The following CNTRL variants were observed in gnomAD, a reference collection of about 807,000 sequenced individuals.
CNTRL encodes the protein 110 kDa centrosomal protein.
In CNTRL, 233 loss-of-function variants were observed where a neutral mutation model predicts 303.7. The observed-to-expected ratio is 0.77, with a 90% CI of 0.69 to 0.86. The LOEUF (loss-of-function observed/expected upper bound fraction) is 0.86. CNTRL is among the 40% of genes least tolerant of loss of function. The pLI, the probability that CNTRL is intolerant of heterozygous loss-of-function variation, is 0.00. For missense variants in CNTRL, 2,524 were observed against 2,650.6 expected (o/e 0.95, Z 1.05); for synonymous variants, 900 against 922.2 (o/e 0.98, Z 0.44).
intron 7 of CNTRL, among the ~76,000 whole-genome samples, chr9:121,102,436 A>G (rs1261676228): frequency 1.3e-5 from 2 of 152,218 alleles, no homozygotes; most frequent in African/African-American, 4.8e-5. Flanking sequence ...CCCACAGCCA[A>G]TATCATACTG....
chr9:121,091,612 G>T (rs1301091286), intron 4 of CNTRL, among the ~76,000 whole-genome samples: 1 of 152,158 alleles, frequency 6.6e-6, no homozygotes, highest in African/African-American at 2.4e-5. Flanking sequence ...GGAGGCCGAG[G>T]TGGGCAGATC....
intron 34 of CNTRL, among the ~76,000 whole-genome samples, chr9:121,164,721 G>T (rs1311968611): frequency 6.6e-6 from 1 of 152,100 alleles, no homozygotes; most frequent in Non-Finnish European, 1.5e-5. Flanking sequence ...TTTAATCCAT[G>T]ATTTTTATAA....
chr9:121,146,770 G>C (rs1158093135), intron 23 of CNTRL, among the ~76,000 whole-genome samples: 1 of 152,216 alleles, frequency 6.6e-6, no homozygotes, highest in Non-Finnish European at 1.5e-5. Context: ...TCTAGTTGCA[G>C]AGAGGTATTA....
chr9:121,122,132 C>A (rs770151514), intron 12 of CNTRL, among the ~76,000 whole-genome samples: 13 of 152,122 alleles, frequency 8.5e-5, no homozygotes, highest in Non-Finnish European at 1.3e-4. Flanking sequence ...TTTTATCCTG[C>A]GTATAAAGGT....
intron 25 of CNTRL, 116 bp downstream of exon 25, chr9:121,150,599 T>A: frequency 1.0e-6 from 1 of 971,014 alleles, no homozygotes; most frequent in Non-Finnish European, 1.6e-6. Context: ...AGTGTGTTTG[T>A]AAGGCTGATG....
At position 121,167,664 on chromosome 9, in the gene CNTRL, T is replaced by TC; in HGVS notation, c.5833dup (p.Gln1945ProfsTer16). The stretch of plus-strand genomic sequence containing the variant: ...ATTGAAGAAAACAAGCTCAAACTAG[T>TC]CCAACAAGAAATGGTACTACACATT... On this transcript the variant is annotated frameshift_variant, in exon 37 of 44. Transcript: ENST00000373855. LOFTEE classifies it high-confidence loss of function. 6.2e-7 allele frequency: 1 copy of TC among 1,613,814 alleles called. No homozygotes were observed. The highest frequency in any genetic ancestry group is 8.5e-7 in the Non-Finnish European group (1 of 1,179,850).
At position 121,150,420 on chromosome 9, in the gene CNTRL, C is replaced by G. The variant is rs368850439; in HGVS notation, c.3900C>G (p.Asn1300Lys). 2 of 1,614,094 alleles carry G rather than the reference C, an allele frequency of 1.2e-6. No homozygotes were observed. Among genetic ancestry groups the G allele is most frequent in the African/African-American group, 1.3e-5 (1 of 74,932 alleles). ...TGGTGTATGGGCCTCCACCCCCCAA[C>G]TTCTCCATCCCCTTCATCCCTATGG... ...APMVYGPPPP[N>K]FSIPFIPMGV... The change falls in exon 25 of 44, where the codon AAC becomes AAG. Residue 1300 changes from asparagine (N) to lysine (K), a missense_variant. Coordinates refer to ENST00000373855, the MANE Select transcript of CNTRL (RefSeq NM_007018.6).
At chr9:121,155,289 T>A (rs558606869) in intron 27 of CNTRL, among the ~76,000 whole-genome samples, 66 of 152,356 alleles carry the variant, frequency 4.3e-4, no homozygotes, top group Non-Finnish European at 9.3e-4. Flanking sequence ...AATAGGTCAA[T>A]CTTTATATTC....
At chr9:121,091,038 A>G (rs971488484) in intron 4 of CNTRL, among the ~76,000 whole-genome samples, 3 of 152,222 alleles carry the variant, frequency 2.0e-5, no homozygotes, top group African/African-American at 7.2e-5. Flanking sequence ...GAGACTTACT[A>G]TCACGAGAAC....
chr9:121,083,057 G>C (rs1415623226), intron 2 of CNTRL, among the ~76,000 whole-genome samples: 1 of 151,912 alleles, frequency 6.6e-6, no homozygotes, highest in South Asian at 2.1e-4. Flanking sequence ...CTTACCAGAT[G>C]AATGGAGCTT....
chr9:121,123,410 G>A (rs1029151225), intron 12 of CNTRL, among the ~76,000 whole-genome samples: 7 of 152,060 alleles, frequency 4.6e-5, no homozygotes, highest in African/African-American at 7.2e-5. Flanking sequence ...TGAAACTCCC[G>A]TCTGTACTAA....
intron 18 of CNTRL, 120 bp downstream of exon 18, chr9:121,141,708 T>A: frequency 2.0e-6 from 2 of 992,014 alleles, no homozygotes; most frequent in Non-Finnish European, 1.5e-6. Flanking sequence ...TTTTCACTTA[T>A]AACAAGTCAA....
chr9:121,092,733 A>T (rs191273812), intron 4 of CNTRL, among the ~76,000 whole-genome samples: 1 of 12,148 alleles, frequency 8.2e-5, no homozygotes, highest in Non-Finnish European at 1.7e-4. Flanking sequence ...ATATATATAT[A>T]ATATATATCT....
At chr9:121,090,120 A>G (rs192251174) in intron 3 of CNTRL, among the ~76,000 whole-genome samples, 155 bp from the exon 4 acceptor site, 46 of 130,046 alleles carry the variant, frequency 3.5e-4, no homozygotes, top group South Asian at 8.7e-4. Context: ...GCTATGAAGT[A>G]AAATATTATT....
In CNTRL at chr9:121,166,161, AT is replaced by A; in HGVS notation, c.5639del (p.Leu1880Ter). ...GAGGAACTAGCTAATGTCCAAGACCATTTGAACCTAGCAAAACAGGTAAGGT... is the reference window on the plus strand; with the variant it reads ...GAGGAACTAGCTAATGTCCAAGACCATTGAACCTAGCAAAACAGGTAAGGT... ...LQEELANVQD[H>X]LNLAKQDLLH... On this transcript the variant is annotated frameshift_variant, in exon 36 of 44. Coordinates refer to ENST00000373855, the MANE Select transcript of CNTRL (RefSeq NM_007018.6). LOFTEE classifies it high-confidence loss of function. 1 of 1,612,076 alleles carries A rather than the reference AT, an allele frequency of 6.2e-7. No homozygotes were observed. The highest frequency in any genetic ancestry group is 8.5e-7 in the Non-Finnish European group (1 of 1,179,214).
chr9:121,158,037 C>G lies in CNTRL; in HGVS notation c.4692C>G (p.His1564Gln), dbSNP rs749265021. The change falls in exon 30 of 44, where the codon CAC becomes CAG. Residue 1564 changes from histidine to glutamine, a missense_variant. Physicochemically the swap from His to Gln is conservative, Grantham distance 24 (BLOSUM62 0). Transcript: ENST00000373855. Reference sequence around the variant, plus strand: ...TGGCAGAACGCAATGAGGATCACCACCTGCAGGTCCTTAAAGAATCTGAGG... The same window carrying G: ...TGGCAGAACGCAATGAGGATCACCAGCTGCAGGTCCTTAAAGAATCTGAGG... Reference protein sequence around the residue: ...IEMAERNEDHHLQVLKESEVL... With the variant: ...IEMAERNEDHQLQVLKESEVL... 3 of 1,614,004 alleles carry G rather than the reference C, an allele frequency of 1.9e-6. No homozygotes were observed. Among genetic ancestry groups the G allele is most frequent in the African/African-American group, 1.3e-5 (1 of 74,880 alleles).
chr9:121,160,748 G>T (rs537434717), intron 32 of CNTRL, among the ~76,000 whole-genome samples: 2 of 152,306 alleles, frequency 1.3e-5, no homozygotes, highest in African/African-American at 2.4e-5. Context: ...GGGAGGCTGA[G>T]GCAAGAGGAT....
intron 31 of CNTRL, 103 bp downstream of exon 31, chr9:121,159,122 G>A (rs1361641968): frequency 1.7e-6 from 2 of 1,200,680 alleles, no homozygotes; most frequent in Non-Finnish European, 2.3e-6. Flanking sequence ...ATAAATTCCT[G>A]AAATCTTGCC....
At chr9:121,078,907 T>C (rs1348614660) in intron 1 of CNTRL, among the ~76,000 whole-genome samples, 1 of 152,216 alleles carries the variant, frequency 6.6e-6, no homozygotes, top group Non-Finnish European at 1.5e-5. Flanking sequence ...ACCCTCCCTG[T>C]GTCCAGCTTT....
Sources: gnomAD v4.1 joint callset for allele counts (sites outside exome capture counted in the v4.1 genomes callset) on GRCh38, gnomAD v4.1.1 for gene constraint, MANE v1.5 for transcripts, NCBI Gene and HGNC (gene_info 2026-07-23, HGNC 2026-07-21) for gene names.